Variants in PREX2 observed in about 807,000 individuals in gnomAD.
The protein encoded by PREX2 is phosphatidylinositol 3,4,5-trisphosphate-dependent Rac exchanger 2 protein.
In PREX2, 107 loss-of-function variants were observed where a neutral mutation model predicts 203.2. The ratio of observed to expected loss-of-function variants is 0.53; its 90% CI spans 0.45 to 0.62. The LOEUF (loss-of-function observed/expected upper bound fraction) is 0.62, where lower values mean the gene tolerates loss of function less well. Ranked by LOEUF, PREX2 falls within the 20% of genes least tolerant of loss-of-function variation. PREX2 has a pLI of 0.00. For synonymous variants in PREX2, 672 were observed against 663.6 expected (o/e 1.01, Z -0.19); for missense variants, 1,777 against 1,955.9 (o/e 0.91, Z 1.72).
chr8:68,049,291 A>T (rs1585737411), intron 8 of PREX2, among the ~76,000 whole-genome samples: 2 of 151,986 alleles, frequency 1.3e-5, no homozygotes, highest in East Asian at 3.9e-4. Context: ...TTATGCATCC[A>T]CAGTGTTGAT....
chr8:68,035,082 A>T (rs2129610627), intron 6 of PREX2, among the ~76,000 whole-genome samples: 1 of 152,272 alleles, frequency 6.6e-6, no homozygotes, highest in East Asian at 1.9e-4. Context: ...TGTATGTCAC[A>T]GAAATCAGAT....
At chr8:68,168,642 A>G (rs1811809478) in intron 35 of PREX2, among the ~76,000 whole-genome samples, 1 of 152,062 alleles carries the variant, frequency 6.6e-6, no homozygotes, top group Admixed American at 6.6e-5. Flanking sequence ...CTTCTTGGGT[A>G]AGGTGTTGAT....
At chr8:68,165,203 A>G (rs1811737511) in intron 35 of PREX2, among the ~76,000 whole-genome samples, 1 of 152,160 alleles carries the variant, frequency 6.6e-6, no homozygotes, top group Non-Finnish European at 1.5e-5. Flanking sequence ...TTTCAACATC[A>G]GCATCAATAA....
intron 23 of PREX2, chr8:68,106,082 CA>C: frequency 7.3e-6 from 2 of 272,892 alleles, no homozygotes; most frequent in South Asian, 6.9e-5. Flanking sequence ...ATATCTCCAG[CA>C]TTGAGCACAG....
At chr8:68,015,643 G>A (rs1807389992) in intron 1 of PREX2, among the ~76,000 whole-genome samples, 1 of 152,152 alleles carries the variant, frequency 6.6e-6, no homozygotes. Context: ...TGTTTACTAT[G>A]TGGTCAATAT....
rs1024432453 is a variant in PREX2 at position 68,192,377 on chromosome 8, G to A, written c.4456G>A (p.Val1486Ile). The A allele has an allele frequency of 5.0e-6, 8 of 1,611,828 alleles. No individual in the cohort carries two copies. Among genetic ancestry groups the A allele is most frequent in the Non-Finnish European group, 6.8e-6 (8 of 1,178,656 alleles). ...CGCTTTGGATGAACTTTACCGACTG[G>A]TAGCCTCGTTTATCAGATCCAAGCG... ...LNALDELYRL[V>I]ASFIRSKRTA... The change falls in exon 37 of 40, where the codon GTA becomes ATA. Residue 1486 changes from valine (V) to isoleucine (I), a missense_variant. By Grantham distance (29) the Val-to-Ile change is conservative. Coordinates refer to ENST00000288368, the MANE Select transcript of PREX2 (RefSeq NM_024870.4).
At chr8:68,099,867 C>A in intron 23 of PREX2, 24 bp downstream of exon 23, 2 of 1,534,972 alleles carry the variant, frequency 1.3e-6, no homozygotes, top group Non-Finnish European at 1.8e-6. Context: ...TGATTTTATA[C>A]ACAATTATTG....
chr8:67,995,579 A>T (rs10957405), intron 1 of PREX2, among the ~76,000 whole-genome samples: 22,441 of 152,164 alleles, frequency 0.15, 2,317 homozygotes, highest in African/African-American at 0.3. Context: ...TGAGTGAAAA[A>T]CTATTGAGTT....
chr8:68,172,746 A>C (rs937828140), intron 35 of PREX2, among the ~76,000 whole-genome samples: 1 of 152,080 alleles, frequency 6.6e-6, no homozygotes, highest in African/African-American at 2.4e-5. Flanking sequence ...GGGAAAGGAG[A>C]AATTGTAGTT....
intron 1 of PREX2, among the ~76,000 whole-genome samples, chr8:67,977,812 T>A (rs141481727): frequency 1.7e-4 from 26 of 152,278 alleles, no homozygotes; most frequent in Non-Finnish European, 3.7e-4. Flanking sequence ...TAGCTGAACA[T>A]GTAGAGTTTC....
At chr8:68,191,337 TTAA>T (rs566877742) in intron 35 of PREX2, among the ~76,000 whole-genome samples, 1 of 152,236 alleles carries the variant, frequency 6.6e-6, no homozygotes, top group South Asian at 2.1e-4. Flanking sequence ...CTTCAACTTT[TTAA>T]TAATATTGAT....
At position 67,952,138 on chromosome 8, in the gene PREX2, C is replaced by A. The variant is rs1805356944; in HGVS notation, c.-257C>A. Reference sequence around the variant, plus strand: ...GTGAGGCCAGAGCAGCGGGGCCGGGCGCGCAGGGCCTGGCCGGAGCCCCCA... The same window carrying A: ...GTGAGGCCAGAGCAGCGGGGCCGGGAGCGCAGGGCCTGGCCGGAGCCCCCA... On this transcript the variant is annotated 5_prime_UTR_variant, in exon 1 of 40. Coordinates refer to ENST00000288368, the MANE Select transcript of PREX2 (RefSeq NM_024870.4). The A allele has an allele frequency of 6.1e-6, 2 of 329,942 alleles. No individual in the cohort carries two copies. Among genetic ancestry groups the A allele is most frequent in the East Asian group, 5.0e-5 (1 of 19,926 alleles). 20.4% of individuals were successfully genotyped at this position (329,942 alleles called of 1,614,324 possible).
intron 30 of PREX2, among the ~76,000 whole-genome samples, chr8:68,125,260 G>C (rs1040942677): frequency 2.6e-5 from 4 of 152,040 alleles, no homozygotes; most frequent in African/African-American, 7.2e-5. Flanking sequence ...TTTATATAGT[G>C]AATGACTTAA....
chr8:67,966,806 A>G (rs1175410836), intron 1 of PREX2, among the ~76,000 whole-genome samples: 1 of 152,194 alleles, frequency 6.6e-6, no homozygotes, highest in African/African-American at 2.4e-5. Flanking sequence ...AGATATTTTT[A>G]TTCTTCATGG....
intron 23 of PREX2, chr8:68,105,735 A>G: frequency 1.7e-5 from 3 of 173,526 alleles, no homozygotes; most frequent in Non-Finnish European, 3.3e-5. Context: ...ACACACATAT[A>G]TATATATATA....
At chr8:67,960,186 C>A (rs1805596657) in intron 1 of PREX2, among the ~76,000 whole-genome samples, 1 of 152,096 alleles carries the variant, frequency 6.6e-6, no homozygotes, top group Admixed American at 6.5e-5. Context: ...GGACTACAGG[C>A]ACATGCCACA....
chr8:67,972,243 TTGG>T (rs1805946481), intron 1 of PREX2, among the ~76,000 whole-genome samples: 1 of 152,360 alleles, frequency 6.6e-6, no homozygotes, highest in Non-Finnish European at 1.5e-5. Flanking sequence ...ATAAAGCCCA[TTGG>T]TGATCTCCAT....
At chr8:67,957,387 CTCTTT>C (rs1805522354) in intron 1 of PREX2, among the ~76,000 whole-genome samples, 1 of 152,136 alleles carries the variant, frequency 6.6e-6, no homozygotes, top group Non-Finnish European at 1.5e-5. Context: ...TGTCTCTTAG[CTCTTT>C]CAAATTGTGC....
At chr8:68,078,574 C>T (rs962597465) in intron 15 of PREX2, among the ~76,000 whole-genome samples, 3 of 152,258 alleles carry the variant, frequency 2.0e-5, no homozygotes, top group Non-Finnish European at 2.9e-5. Flanking sequence ...GAAGGAAGTA[C>T]AGCAAAGGTT....
Sources: gnomAD v4.1 joint callset for allele counts (sites outside exome capture counted in the v4.1 genomes callset) on GRCh38, gnomAD v4.1.1 for gene constraint, MANE v1.5 for transcripts, NCBI Gene and HGNC (gene_info 2026-07-23, HGNC 2026-07-21) for gene names.